EPHB1: variants seen among roughly 807,000 people sequenced by gnomAD.
EPHB1 encodes the protein EPH receptor B1.
Under a neutral mutation model 94.4 loss-of-function variants are expected in EPHB1, and 30 were observed. That is an observed-to-expected ratio of 0.32 (90% CI 0.24 to 0.43). The LOEUF (loss-of-function observed/expected upper bound fraction) is 0.43. EPHB1 is among the 20% of genes least tolerant of loss of function. The probability of loss-of-function intolerance (pLI) is 1.00; values close to 1 mark genes in which losing one functional copy is unlikely to be tolerated. For synonymous variants in EPHB1, 522 were observed against 489.1 expected (o/e 1.07, Z -0.89); for missense variants, 1,055 against 1,308.3 (o/e 0.81, Z 2.99).
chr3:135,172,157 A>T (rs1941822019), intron 9 of EPHB1, among the ~76,000 whole-genome samples: 1 of 152,230 alleles, frequency 6.6e-6, no homozygotes. Flanking sequence ...CTTGTGGAGC[A>T]GTGGCAAGTT....
At chr3:134,912,883 G>A (rs1425317006) in intron 1 of EPHB1, among the ~76,000 whole-genome samples, 4 of 152,228 alleles carry the variant, frequency 2.6e-5, no homozygotes, top group Non-Finnish European at 5.9e-5. Context: ...ATAGGAAAGG[G>A]CACATGTGGG....
intron 4 of EPHB1, among the ~76,000 whole-genome samples, chr3:135,120,396 A>C (rs1319932078): frequency 1.3e-5 from 2 of 152,204 alleles, no homozygotes; most frequent in Admixed American, 1.3e-4. Context: ...GGTTATGATT[A>C]TTAACAGATG....
At chr3:135,003,337 T>C (rs1342416464) in intron 3 of EPHB1, among the ~76,000 whole-genome samples, 1 of 152,082 alleles carries the variant, frequency 6.6e-6, no homozygotes, top group Non-Finnish European at 1.5e-5. Context: ...TTTGTTACAA[T>C]TTCTGTTCTT....
intron 1 of EPHB1, among the ~76,000 whole-genome samples, chr3:134,900,917 G>T (rs527454326): frequency 3.9e-5 from 6 of 152,336 alleles, no homozygotes; most frequent in African/African-American, 1.4e-4. Flanking sequence ...ATAGCATACA[G>T]TTGCATGGGG....
intron 1 of EPHB1, among the ~76,000 whole-genome samples, chr3:134,819,675 T>A (rs2036343838): frequency 6.6e-6 from 1 of 152,164 alleles, no homozygotes; most frequent in South Asian, 2.1e-4. Context: ...ACCCTGCACA[T>A]CCCTGTGCCT....
At position 135,026,620 on chromosome 3, in the gene EPHB1, TG is replaced by T. The variant is rs1424965459; in HGVS notation, c.805+74569del. Among the ~76,000 whole-genome samples, 140 of 139,812 alleles carry T rather than the reference TG, an allele frequency of 1.0e-3. 2 individuals carry two copies. The highest frequency in any genetic ancestry group is 3.6e-3 in the African/African-American group (131 of 36,880). The allele number at this position is 139,812 out of a possible 152,430, so 91.7% of individuals were successfully genotyped here. ...CATGCTGTTTTGGTTACTGTAGCCT[TG>T]TAGTATAGTTTGAAGTCAGGTAGTG... On this transcript the variant is annotated intron_variant, in intron 3 of 15. Coordinates refer to ENST00000398015, the MANE Select transcript of EPHB1 (RefSeq NM_004441.5).
At chr3:134,979,462 C>T (rs1934323396) in intron 3 of EPHB1, among the ~76,000 whole-genome samples, 1 of 152,182 alleles carries the variant, frequency 6.6e-6, no homozygotes, top group African/African-American at 2.4e-5. Context: ...TTATGGTCTT[C>T]ACTTCAAGAA....
intron 1 of EPHB1, among the ~76,000 whole-genome samples, chr3:134,914,209 G>A (rs1373408847): frequency 6.6e-6 from 1 of 152,186 alleles, no homozygotes; most frequent in Non-Finnish European, 1.5e-5. Context: ...CTCAAAGGAT[G>A]TAGGTAAGAG....
intron 1 of EPHB1, among the ~76,000 whole-genome samples, chr3:134,905,041 TCCA>T (rs2038289535): frequency 6.6e-6 from 1 of 152,212 alleles, no homozygotes; most frequent in Non-Finnish European, 1.5e-5. Context: ...GGGGCATGAT[TCCA>T]CAGCACTGGT....
chr3:134,958,861 A>G (rs1015909923), intron 3 of EPHB1, among the ~76,000 whole-genome samples: 4 of 152,142 alleles, frequency 2.6e-5, no homozygotes, highest in Non-Finnish European at 5.9e-5. Flanking sequence ...GCGGCAGAGG[A>G]TGGCAAGCGG....
At chr3:134,829,431 G>T (rs1000377445) in intron 1 of EPHB1, among the ~76,000 whole-genome samples, 5 of 152,152 alleles carry the variant, frequency 3.3e-5, no homozygotes, top group Non-Finnish European at 5.9e-5. Context: ...AAAGCTGTTT[G>T]CTGGTGGGCT....
intron 9 of EPHB1, among the ~76,000 whole-genome samples, 165 bp downstream of exon 9, chr3:135,167,171 G>A (rs964948213): frequency 3.9e-5 from 6 of 152,154 alleles, no homozygotes; most frequent in Admixed American, 2.6e-4. Context: ...AGGGGCAACA[G>A]GCTACCCTCC....
At chr3:135,152,007 G>A (rs1941209248) in intron 5 of EPHB1, among the ~76,000 whole-genome samples, 2 of 152,122 alleles carry the variant, frequency 1.3e-5, no homozygotes, top group African/African-American at 2.4e-5. Context: ...ATAGATATTA[G>A]TTTTATTCTA....
chr3:135,008,995 A>T (rs769910935), intron 3 of EPHB1, among the ~76,000 whole-genome samples: 1 of 152,202 alleles, frequency 6.6e-6, no homozygotes, highest in African/African-American at 2.4e-5. Flanking sequence ...AGGGGCGTGG[A>T]CTTATGGATC....
intron 3 of EPHB1, among the ~76,000 whole-genome samples, chr3:135,039,253 C>G (rs1434353271): frequency 6.6e-6 from 1 of 151,760 alleles, no homozygotes; most frequent in Admixed American, 6.6e-5. Context: ...GATTGGTGCA[C>G]TCACAAACCT....
At chr3:135,111,689 T>TC (rs1491282947) in intron 4 of EPHB1, among the ~76,000 whole-genome samples, 1 of 151,950 alleles carries the variant, frequency 6.6e-6, no homozygotes, top group Non-Finnish European at 1.5e-5. Flanking sequence ...ATTTTCACTC[T>TC]TTTTTTTTGA....
chr3:134,936,319 G>A (rs369054030), intron 2 of EPHB1, among the ~76,000 whole-genome samples: 1 of 152,190 alleles, frequency 6.6e-6, no homozygotes. Flanking sequence ...GGGGACCAAA[G>A]AGCAGCAAGT....
chr3:135,252,747 G>C (rs1933181429), intron 15 of EPHB1, among the ~76,000 whole-genome samples: 1 of 141,182 alleles, frequency 7.1e-6, no homozygotes, highest in South Asian at 2.5e-4. Context: ...GGGATGGCTG[G>C]GTCAAATGGT....
At chr3:134,938,982 C>G (rs1266524861) in intron 2 of EPHB1, among the ~76,000 whole-genome samples, 2 of 152,030 alleles carry the variant, frequency 1.3e-5, no homozygotes, top group Non-Finnish European at 2.9e-5. Context: ...TTCTTAAACC[C>G]CCACCCCTTT....
Sources: allele counts gnomAD v4.1 joint callset (sites outside exome capture counted in the v4.1 genomes callset), GRCh38; gene constraint gnomAD v4.1.1; transcripts MANE v1.5; gene names NCBI Gene and HGNC (gene_info 2026-07-23, HGNC 2026-07-21).